The following EVA1C variants were observed in gnomAD, a reference collection of about 807,000 sequenced individuals.
The protein encoded by EVA1C is eva-1 homolog C, also known as protein eva-1 homolog C.
In EVA1C, 25 loss-of-function variants were observed where a neutral mutation model predicts 45.4. The observed-to-expected ratio is 0.55, with a 90% CI of 0.40 to 0.77. The LOEUF (loss-of-function observed/expected upper bound fraction) is 0.77, where lower values mean the gene tolerates loss of function less well. Ranked by LOEUF, EVA1C falls within the 30% of genes least tolerant of loss-of-function variation. The pLI is 0.00. For synonymous variants in EVA1C, 190 were observed against 221.2 expected (o/e 0.86, Z 1.25); for missense variants, 479 against 554.8 (o/e 0.86, Z 1.37).
rs61569308 is a variant in EVA1C at position 32,429,423 on chromosome 21, G to A, written c.160+16410G>A. Reference sequence around the variant, plus strand: ...GGCTGGAGTGCAGTGGTGTGATCTCGGCTCACTGCTACTTCTGCCTCCAGG... The same window carrying A: ...GGCTGGAGTGCAGTGGTGTGATCTCAGCTCACTGCTACTTCTGCCTCCAGG... On this transcript the variant is annotated intron_variant, in intron 1 of 7. Transcript: ENST00000300255. Among the ~76,000 whole-genome samples the A allele has an allele frequency of 1.6e-3, 249 of 151,514 alleles. 2 individuals are homozygous for A. Among genetic ancestry groups the A allele is most frequent in the African/African-American group, 5.6e-3 (232 of 41,236 alleles).
intron 1 of EVA1C, among the ~76,000 whole-genome samples, chr21:32,442,205 G>A (rs1372642039): frequency 1.3e-5 from 2 of 152,192 alleles, no homozygotes. Context: ...ACTAGGATCT[G>A]AGCTCATCAC....
chr21:32,463,468 A>G (rs899527930), intron 3 of EVA1C, among the ~76,000 whole-genome samples: 1 of 152,236 alleles, frequency 6.6e-6, no homozygotes, highest in African/African-American at 2.4e-5. Flanking sequence ...CTTATGTGGC[A>G]GTGAATTCGC....
chr21:32,437,916 T>A (rs2035023591), intron 1 of EVA1C, among the ~76,000 whole-genome samples: 1 of 152,230 alleles, frequency 6.6e-6, no homozygotes, highest in Admixed American at 6.5e-5. Context: ...GATCACTAGC[T>A]GGAGGCCTTG....
intron 1 of EVA1C, among the ~76,000 whole-genome samples, chr21:32,413,787 C>T (rs1049007006): frequency 8.5e-5 from 13 of 152,302 alleles, no homozygotes; most frequent in African/African-American, 3.1e-4. Context: ...GCTGCAGTTG[C>T]TTAAGGTAAC....
At chr21:32,495,944 TGCCAAACATTCCTA>T (rs1436567943) in intron 5 of EVA1C, among the ~76,000 whole-genome samples, 1 of 152,222 alleles carries the variant, frequency 6.6e-6, no homozygotes, top group Admixed American at 6.5e-5. Flanking sequence ...CTTTTTCCCC[TGCCAAACATTCCTA>T]GCCATTTTAT....
chr21:32,487,606 A>T (rs1361076027), intron 4 of EVA1C, among the ~76,000 whole-genome samples: 7 of 152,166 alleles, frequency 4.6e-5, no homozygotes, highest in African/African-American at 1.7e-4. Context: ...CTGTAATCCC[A>T]GCTACTCGGG....
intron 1 of EVA1C, among the ~76,000 whole-genome samples, chr21:32,426,448 A>G (rs2146135120): frequency 6.6e-6 from 1 of 151,570 alleles, no homozygotes; most frequent in African/African-American, 2.4e-5. Flanking sequence ...GGCATCTCCC[A>G]CTGCCTCCCC....
intron 5 of EVA1C, chr21:32,497,078 G>A: frequency 9.7e-7 from 1 of 1,035,624 alleles, no homozygotes; most frequent in Non-Finnish European, 1.5e-6. Flanking sequence ...GGACAGGATG[G>A]TCTGCTTTTT....
rs200502596 is a variant in EVA1C, at chr21:32,515,145, T to C, written c.1281T>C (p.Ser427=). 7.9e-5 allele frequency: 127 copies of C among 1,609,916 alleles called. 1 individual carries two copies. The East Asian group carries it at 2.8e-3, about 36-fold the overall frequency. ...EQIIQEIWMN[S]GLDTSLPRNM... ...TCATTCAGGAAATATGGATGAACAGTGGTTTGGACACCTCGCTCCCAAGAA... is the reference window on the plus strand; with the variant it reads ...TCATTCAGGAAATATGGATGAACAGCGGTTTGGACACCTCGCTCCCAAGAA... The change falls in exon 8 of 8, where the codon AGT becomes AGC. Residue 427 remains serine, a synonymous_variant. Coordinates refer to ENST00000300255, the MANE Select transcript of EVA1C (RefSeq NM_058187.5).
chr21:32,460,785 G>A (rs960519336), intron 3 of EVA1C, among the ~76,000 whole-genome samples: 29 of 148,638 alleles, frequency 2.0e-4, no homozygotes, highest in African/African-American at 7.0e-4. Context: ...TCACTCCATT[G>A]CCCAGGCTGG....
chr21:32,506,973 C>T (rs1042634710), intron 7 of EVA1C, among the ~76,000 whole-genome samples: 36 of 152,138 alleles, frequency 2.4e-4, no homozygotes, highest in East Asian at 3.9e-4. Context: ...CCCAAATAGG[C>T]GGCAAATGGA....
At chr21:32,512,987 G>GTATAATACTTACAATAATATAATAAGCAT (rs1568960415) in intron 7 of EVA1C, among the ~76,000 whole-genome samples, 3 of 151,176 alleles carry the variant, frequency 2.0e-5, no homozygotes, top group African/African-American at 7.3e-5. Context: ...GCTTCCATCT[G>GTATAATACTTACAATAATATAATAAGCAT]TATAATACTT....
At chr21:32,445,718 G>T (rs1338272425) in intron 1 of EVA1C, among the ~76,000 whole-genome samples, 1 of 152,172 alleles carries the variant, frequency 6.6e-6, no homozygotes, top group Non-Finnish European at 1.5e-5. Context: ...TTCATGTCGT[G>T]AACTCTTCAT....
At chr21:32,493,396 G>GA (rs2037231606) in intron 4 of EVA1C, among the ~76,000 whole-genome samples, 1 of 152,116 alleles carries the variant, frequency 6.6e-6, no homozygotes, top group Admixed American at 6.5e-5. Flanking sequence ...CTAAGCCTTT[G>GA]AAAGTGTCTC....
intron 4 of EVA1C, among the ~76,000 whole-genome samples, chr21:32,484,434 C>T (rs2146364175): frequency 6.6e-6 from 1 of 151,988 alleles, no homozygotes; most frequent in Non-Finnish European, 1.5e-5. Flanking sequence ...ATCCCAGCTA[C>T]TTGGGAGGCT....
chr21:32,475,879 T>TTATCTATCTATCTATC (rs10661334), intron 4 of EVA1C, among the ~76,000 whole-genome samples: 439 of 100,516 alleles, frequency 4.4e-3, no homozygotes, highest in Admixed American at 5.5e-3. Flanking sequence ...TCTAAAAACT[T>TTATCTATCTATCTATC]TATCTATCTA....
intron 1 of EVA1C, among the ~76,000 whole-genome samples, chr21:32,444,496 C>G (rs2035296539): frequency 6.6e-6 from 1 of 152,182 alleles, no homozygotes; most frequent in Non-Finnish European, 1.5e-5. Context: ...TGAAGAGACA[C>G]ATAGGGAAAG....
chr21:32,453,214 C>T (rs561477007), intron 1 of EVA1C, 98 bp from the exon 2 acceptor site: 50 of 794,410 alleles, frequency 6.3e-5, no homozygotes, highest in Non-Finnish European at 9.5e-5. Flanking sequence ...GTTGATTGAA[C>T]AGCCCTTCCC....
chr21:32,482,631 T>A (rs956325247), intron 4 of EVA1C, among the ~76,000 whole-genome samples: 4 of 152,152 alleles, frequency 2.6e-5, no homozygotes, highest in African/African-American at 4.8e-5. Flanking sequence ...GGACACTGTG[T>A]TAATCCATGA....
Sources: allele counts gnomAD v4.1 joint callset (sites outside exome capture counted in the v4.1 genomes callset), GRCh38; gene constraint gnomAD v4.1.1; transcripts MANE v1.5; gene names NCBI Gene and HGNC (gene_info 2026-07-23, HGNC 2026-07-21).